The following ARHGEF3 variants were observed in gnomAD, a reference collection of about 807,000 sequenced individuals.
ARHGEF3 encodes the protein 59.8 kDA protein.
In ARHGEF3, 28 loss-of-function variants were observed where a neutral mutation model predicts 63.2. That is an observed-to-expected ratio of 0.44 (90% confidence interval 0.33 to 0.61). The LOEUF is 0.61. ARHGEF3 is among the 20% of genes least tolerant of loss of function. The pLI, the probability that ARHGEF3 is intolerant of heterozygous loss-of-function variation, is 0.03. For synonymous variants in ARHGEF3, 266 were observed against 254.2 expected (o/e 1.05, Z -0.44); for missense variants, 533 against 659.3 (o/e 0.81, Z 2.10).
Position 56,822,515 on chromosome 3 carries a change from TATGTGAAATATAC to T in ARHGEF3, c.193-48712_193-48700del, listed in dbSNP as rs1268594062. Among the ~76,000 whole-genome samples the T allele has an allele frequency of 2.4e-3, 360 of 152,298 alleles. 5 individuals carry two copies. The highest frequency in any genetic ancestry group is 0.021 in the Admixed American group (322 of 15,296). ...ATGAGGGCACCTATATGTATATATA[TATGTGAAATATAC>T]ATGTGGAAAAGCTTGGCAGGGAAAA... On this transcript the variant is annotated intron_variant, in intron 4 of 12. Coordinates refer to the ARHGEF3 transcript ENST00000338458.
chr3:56,753,610 T>G (rs1297046105), intron 3 of ARHGEF3, 44 bp from the exon 4 acceptor site: 2 of 1,559,214 alleles, frequency 1.3e-6, no homozygotes, highest in African/African-American at 1.4e-5. Context: ...TCCCTTCATT[T>G]ACAAGACCAT....
At chr3:56,999,365 T>A (rs1702106038) in intron 2 of ARHGEF3, among the ~76,000 whole-genome samples, 1 of 152,200 alleles carries the variant, frequency 6.6e-6, no homozygotes, top group African/African-American at 2.4e-5. Flanking sequence ...TATTTTTTAA[T>A]CATACACTTA....
chr3:56,734,936 A>G (rs2033496255), intron 8 of ARHGEF3, among the ~76,000 whole-genome samples: 1 of 152,156 alleles, frequency 6.6e-6, no homozygotes, highest in African/African-American at 2.4e-5. Context: ...CACTGTTTCT[A>G]CTTCAATCAA....
chr3:56,795,449 A>C (rs1017155751), intron 1 of ARHGEF3, among the ~76,000 whole-genome samples: 2 of 152,186 alleles, frequency 1.3e-5, no homozygotes, highest in Non-Finnish European at 2.9e-5. Flanking sequence ...AAAAAAGTCT[A>C]GTGAACTTAC....
intron 1 of ARHGEF3, among the ~76,000 whole-genome samples, chr3:57,067,929 G>C (rs557658725): frequency 1.3e-5 from 2 of 151,846 alleles, no homozygotes; most frequent in Non-Finnish European, 2.9e-5. Flanking sequence ...GGCAGAGCTT[G>C]CAGTGAGCCA....
At chr3:56,886,228 C>T (rs754916530) in intron 3 of ARHGEF3, among the ~76,000 whole-genome samples, 2 of 152,206 alleles carry the variant, frequency 1.3e-5, no homozygotes, top group African/African-American at 2.4e-5. Flanking sequence ...GAAGGCAGGA[C>T]TTGGTCAGTC....
rs150191671 is a variant in ARHGEF3 at position 56,832,661 on chromosome 3, A to G, written c.192+49631T>C. Reference sequence around the variant, plus strand: ...TACCATTTTAACTATTTTAAAGCACACAATTCACTGGTGATCATTATATTC... The same window carrying G: ...TACCATTTTAACTATTTTAAAGCACGCAATTCACTGGTGATCATTATATTC... On this transcript the variant is annotated intron_variant, in intron 4 of 12. Transcript: ENST00000338458. 3.2e-3 allele frequency among the ~76,000 whole-genome samples: 480 copies of G among 152,374 alleles called. 4 individuals are homozygous for G. Among genetic ancestry groups the G allele is most frequent in the Middle Eastern group, 6.8e-3 (2 of 294 alleles).
chr3:57,046,327 T>C (rs1024996620), intron 1 of ARHGEF3, among the ~76,000 whole-genome samples: 2 of 152,198 alleles, frequency 1.3e-5, no homozygotes, highest in Non-Finnish European at 2.9e-5. Context: ...GCTGGGTCTG[T>C]CTGACTCCCG....
intron 3 of ARHGEF3, among the ~76,000 whole-genome samples, chr3:56,922,844 T>G (rs965604209): frequency 1.2e-4 from 18 of 151,970 alleles, no homozygotes; most frequent in African/African-American, 3.6e-4. Context: ...CCTTTATCCC[T>G]AGCAGGTTGC....
chr3:56,877,222 A>C (rs2040614737), intron 4 of ARHGEF3, among the ~76,000 whole-genome samples: 1 of 152,218 alleles, frequency 6.6e-6, no homozygotes. Flanking sequence ...CTAAATACCC[A>C]GTAAAGGGTT....
At chr3:56,765,171 T>C (rs1237554621) in intron 2 of ARHGEF3, among the ~76,000 whole-genome samples, 1 of 152,198 alleles carries the variant, frequency 6.6e-6, no homozygotes, top group African/African-American at 2.4e-5. Context: ...GGACTACAGA[T>C]AACTTGTCAG....
intron 1 of ARHGEF3, among the ~76,000 whole-genome samples, chr3:56,789,419 G>A (rs903765827): frequency 2.0e-5 from 3 of 152,200 alleles, no homozygotes; most frequent in Non-Finnish European, 4.4e-5. Flanking sequence ...AAAGATTTAT[G>A]TTCTGAGAAC....
At chr3:56,806,623 G>A (rs113922698), upstream of ARHGEF3, among the ~76,000 whole-genome samples, 4,340 of 152,288 alleles carry the variant, frequency 0.028, 71 homozygotes, top group Non-Finnish European at 0.04. Context: ...TGTGTTGAGC[G>A]GGGGTCATTT....
At chr3:56,915,288 C>A (rs1427819673) in intron 3 of ARHGEF3, among the ~76,000 whole-genome samples, 1 of 74,368 alleles carries the variant, frequency 1.3e-5, no homozygotes, top group African/African-American at 4.8e-5. Context: ...ATAGTAAGAC[C>A]CACGTCTCCA....
In ARHGEF3 at chr3:56,752,348, G is replaced by A. The variant is rs552005436; in HGVS notation, c.439-952C>T. ...GTCGGGATTATAGGTGTGAGCCACC[G>A]GACCCGGCTTATGTTTAAAAATTAA... On this transcript the variant is annotated intron_variant, in intron 4 of 9. Coordinates refer to ENST00000296315, the MANE Select transcript of ARHGEF3 (RefSeq NM_019555.3). 2.2e-3 allele frequency among the ~76,000 whole-genome samples: 333 copies of A among 152,248 alleles called. 3 individuals carry two copies. Among genetic ancestry groups the A allele is most frequent in the African/African-American group, 7.4e-3 (309 of 41,540 alleles).
At position 56,897,835 on chromosome 3, in the gene ARHGEF3, G is replaced by A. The variant is rs560313355; in HGVS notation, c.130-15481C>T. On this transcript the variant is annotated intron_variant, in intron 3 of 12. Transcript: ENST00000338458. ...CCACCTCGACCTCCCAAAGTGTTGG[G>A]ATTACAGGCGTGAGCCACCATGCCC... Among the ~76,000 whole-genome samples the A allele has an allele frequency of 1.3e-4, 20 of 152,204 alleles. No individual in the cohort carries two copies. In the South Asian group the frequency reaches 4.0e-3, roughly 30 times the overall value.
chr3:56,737,706 A>G (rs145767896), intron 7 of ARHGEF3, among the ~76,000 whole-genome samples: 327 of 152,342 alleles, frequency 2.1e-3, no homozygotes, highest in Middle Eastern at 0.02. Flanking sequence ...ATGTAGCCAT[A>G]TAAAAAAATT....
rs2032828546 is a variant in ARHGEF3 at position 56,727,817 on chromosome 3, T to G, written c.*1453A>C. On this transcript the variant is annotated 3_prime_UTR_variant, in exon 10 of 10. Coordinates refer to ENST00000296315, the MANE Select transcript of ARHGEF3 (RefSeq NM_019555.3). The stretch of plus-strand genomic sequence containing the variant: ...TCCTTGTTTTCAAAAAATAATAAAG[T>G]ATATACCTTGTTTTTATATTGATAT... 6.6e-6 allele frequency: 1 copy of G among 152,638 alleles called. No homozygotes were observed. The highest frequency in any genetic ancestry group is 2.4e-5 in the African/African-American group (1 of 41,456). The allele number at this position is 152,638 out of a possible 1,614,324, so 9.5% of individuals were successfully genotyped here.
intron 9 of ARHGEF3, chr3:56,731,901 G>A (rs1467293123): frequency 4.1e-6 from 2 of 493,526 alleles, no homozygotes; most frequent in African/African-American, 3.9e-5. Flanking sequence ...ATCCATGTAG[G>A]GACTATCTGG....
Sources: allele counts gnomAD v4.1 joint callset (sites outside exome capture counted in the v4.1 genomes callset), GRCh38; gene constraint gnomAD v4.1.1; transcripts MANE v1.5; gene names NCBI Gene and HGNC (gene_info 2026-07-23, HGNC 2026-07-21).